The following KCNN3 variants were observed in gnomAD, a reference collection of about 807,000 sequenced individuals.
KCNN3 encodes small conductance calcium-activated potassium channel protein 3.
In KCNN3, 16 loss-of-function variants were observed where a neutral mutation model predicts 62.9. The ratio of observed to expected loss-of-function variants is 0.25; its 90% confidence interval spans 0.17 to 0.39. The LOEUF (loss-of-function observed/expected upper bound fraction) is 0.39, where lower values mean the gene tolerates loss of function less well. Ranked by LOEUF, KCNN3 falls within the 10% of genes least tolerant of loss-of-function variation. The pLI, the probability that KCNN3 is intolerant of heterozygous loss-of-function variation, is 1.00. For synonymous variants in KCNN3, 370 were observed against 389.2 expected (o/e 0.95, Z 0.58); for missense variants, 599 against 949.4 (o/e 0.63, Z 4.85).
chr1:154,852,079 C>T (rs2101923916), intron 1 of KCNN3, among the ~76,000 whole-genome samples: 1 of 152,362 alleles, frequency 6.6e-6, no homozygotes, highest in East Asian at 1.9e-4. Flanking sequence ...GTCCACTGAG[C>T]CCCTGCAACA....
chr1:154,763,552 A>T (rs752712905), intron 3 of KCNN3, among the ~76,000 whole-genome samples: 12 of 152,126 alleles, frequency 7.9e-5, no homozygotes, highest in Non-Finnish European at 1.5e-4. Context: ...AACTTTAAGG[A>T]TGTTTTTCAT....
At chr1:154,786,659 CA>C (rs1045639612) in intron 2 of KCNN3, among the ~76,000 whole-genome samples, 1 of 152,296 alleles carries the variant, frequency 6.6e-6, no homozygotes, top group Admixed American at 6.5e-5. Context: ...TAAGCACACA[CA>C]AAAGGTGCAT....
intron 1 of KCNN3, among the ~76,000 whole-genome samples, chr1:154,841,609 G>A (rs1431869782): frequency 1.3e-5 from 2 of 152,260 alleles, no homozygotes; most frequent in Admixed American, 6.5e-5. Flanking sequence ...ATAGAATTAG[G>A]CTTCTGGTTC....
At chr1:154,815,846 C>T (rs1650641354) in intron 2 of KCNN3, among the ~76,000 whole-genome samples, 1 of 152,158 alleles carries the variant, frequency 6.6e-6, no homozygotes, top group African/African-American at 2.4e-5. Flanking sequence ...CGTGAGTTGT[C>T]CTGTCTGTTC....
At chr1:154,816,263 A>C (rs1266686086) in intron 2 of KCNN3, among the ~76,000 whole-genome samples, 1 of 152,198 alleles carries the variant, frequency 6.6e-6, no homozygotes, top group African/African-American at 2.4e-5. Context: ...GAGGGGATTG[A>C]TATCCCCAGG....
chr1:154,710,735 T>C (rs1444927410), intron 7 of KCNN3, among the ~76,000 whole-genome samples: 2 of 151,962 alleles, frequency 1.3e-5, no homozygotes, highest in Admixed American at 6.6e-5. Flanking sequence ...AAAAAACACA[T>C]GAAAAAATGC....
chr1:154,827,212 T>C (rs1651173166), intron 1 of KCNN3, among the ~76,000 whole-genome samples: 1 of 152,254 alleles, frequency 6.6e-6, no homozygotes, highest in African/African-American at 2.4e-5. Flanking sequence ...AATTGATTGA[T>C]ATTCAACATC....
intron 6 of KCNN3, among the ~76,000 whole-genome samples, chr1:154,714,123 TGG>T (rs1700143058): frequency 8.4e-6 from 1 of 119,560 alleles, no homozygotes; most frequent in Admixed American, 8.7e-5. Flanking sequence ...GTGGTGTGTG[TGG>T]GTTGTGTGTG....
chr1:154,847,018 C>G (rs1361790126), intron 1 of KCNN3, among the ~76,000 whole-genome samples: 2 of 152,094 alleles, frequency 1.3e-5, no homozygotes, highest in African/African-American at 2.4e-5. Flanking sequence ...AGGAGTTGAG[C>G]CGGCTCCGCC....
At chr1:154,854,634 A>G (rs1203566296) in intron 1 of KCNN3, among the ~76,000 whole-genome samples, 2 of 152,216 alleles carry the variant, frequency 1.3e-5, no homozygotes, top group Non-Finnish European at 1.5e-5. Context: ...TACTACAGTC[A>G]TGTGTCCCAT....
At chr1:154,743,606 C>T (rs142268291) in intron 3 of KCNN3, among the ~76,000 whole-genome samples, 2 of 152,188 alleles carry the variant, frequency 1.3e-5, no homozygotes, top group Non-Finnish European at 2.9e-5. Context: ...AATACACAGT[C>T]GGTGGAAAGC....
chr1:154,708,576 G>A lies in KCNN3; in HGVS notation c.1900-304C>T, dbSNP rs1419237264. Among the ~76,000 whole-genome samples, 5 of 151,248 alleles carry A rather than the reference G, an allele frequency of 3.3e-5. No homozygotes were observed. The East Asian group carries it at 9.7e-4, about 29-fold the overall frequency. ...AAAGTGAGTCTCTAAACTGTCTCAT[G>A]TTCTCACAGGGCCACAACCTCTCAG... On this transcript the variant is annotated intron_variant, in intron 7 of 7. Transcript: ENST00000271915.
chr1:154,714,435 TG>T (rs1289913081), intron 6 of KCNN3, among the ~76,000 whole-genome samples: 1 of 123,906 alleles, frequency 8.1e-6, no homozygotes, highest in Non-Finnish European at 1.7e-5. Flanking sequence ...GTGTGGTGTG[TG>T]GGGGGTGTGT....
intron 1 of KCNN3, among the ~76,000 whole-genome samples, chr1:154,860,447 C>T (rs1163527417): frequency 6.6e-6 from 1 of 152,148 alleles, no homozygotes; most frequent in East Asian, 1.9e-4. Context: ...ATGTCCACAC[C>T]CGGTTAGCTC....
At chr1:154,853,154 T>C (rs1342867044) in intron 1 of KCNN3, among the ~76,000 whole-genome samples, 1 of 137,238 alleles carries the variant, frequency 7.3e-6, no homozygotes, top group Non-Finnish European at 1.5e-5. Flanking sequence ...TGTACTCAGC[T>C]TTTTTTTTTT....
intron 1 of KCNN3, among the ~76,000 whole-genome samples, chr1:154,835,372 C>G (rs528487483): frequency 6.6e-6 from 1 of 152,154 alleles, no homozygotes; most frequent in African/African-American, 2.4e-5. Flanking sequence ...GTATTTGCTG[C>G]CAAAGGGTCT....
intron 1 of KCNN3, among the ~76,000 whole-genome samples, chr1:154,831,059 G>A (rs544644449): frequency 6.6e-6 from 1 of 152,158 alleles, no homozygotes; most frequent in Non-Finnish European, 1.5e-5. Context: ...GATTCCATGC[G>A]ATTCAATCAA....
intron 3 of KCNN3, among the ~76,000 whole-genome samples, chr1:154,751,601 GTGCCAAGGCTAT>G (rs1319343930): frequency 1.3e-5 from 2 of 152,192 alleles, no homozygotes; most frequent in Non-Finnish European, 2.9e-5. Context: ...GGGCGTGCCA[GTGCCAAGGCTAT>G]TATAAAAGAG....
At chr1:154,776,571 T>C (rs11808053) in intron 2 of KCNN3, among the ~76,000 whole-genome samples, 50,308 of 151,968 alleles carry the variant, frequency 0.33, 8,954 homozygotes, top group Middle Eastern at 0.5. Flanking sequence ...GGACACTCTA[T>C]GCTTCCTTCC....
Sources: gnomAD v4.1 joint callset for allele counts (sites outside exome capture counted in the v4.1 genomes callset) on GRCh38, gnomAD v4.1.1 for gene constraint, MANE v1.5 for transcripts, NCBI Gene and HGNC (gene_info 2026-07-23, HGNC 2026-07-21) for gene names.